Variants in CCNJL observed in about 807,000 individuals in gnomAD.
CCNJL encodes the protein cyclin J like, also known as cyclin-J-like protein.
Under a neutral mutation model 33.4 loss-of-function variants are expected in CCNJL, and 33 were observed. The observed-to-expected ratio is 0.99, with a 90% CI of 0.75 to 1.32. The LOEUF is 1.32. Among genes scored for constraint, CCNJL ranks in the 40% most tolerant of loss-of-function variants. CCNJL has a pLI of 0.00. For missense variants in CCNJL, 512 were observed against 499.7 expected (o/e 1.02, Z -0.23); for synonymous variants, 227 against 220.9 (o/e 1.03, Z -0.24).
intron 3 of CCNJL, among the ~76,000 whole-genome samples, chr5:160,266,724 G>T (rs905210649): frequency 6.6e-6 from 1 of 152,156 alleles, no homozygotes; most frequent in African/African-American, 2.4e-5. Flanking sequence ...TCCAGACCCG[G>T]GATCTTCTCA....
chr5:160,259,420 G>C, intron 4 of CCNJL, 49 bp downstream of exon 4: 1 of 1,544,998 alleles, frequency 6.5e-7, no homozygotes, highest in South Asian at 1.2e-5. Context: ...CCGACCCCTG[G>C]GTGGTGGGGA....
chr5:160,264,138 G>A (rs1761470728), intron 3 of CCNJL, among the ~76,000 whole-genome samples: 1 of 152,086 alleles, frequency 6.6e-6, no homozygotes, highest in Non-Finnish European at 1.5e-5. Context: ...TAGAGCCCAG[G>A]CTGGTCGAAA....
chr5:160,309,985 G>A (rs879443335), intron 2 of CCNJL, among the ~76,000 whole-genome samples: 12 of 152,180 alleles, frequency 7.9e-5, no homozygotes, highest in Admixed American at 4.6e-4. Flanking sequence ...TTGAGCAGCC[G>A]AAGGAACATT....
chr5:160,319,850 A>G (rs1239096124), intron 1 of CCNJL, among the ~76,000 whole-genome samples: 3 of 151,898 alleles, frequency 2.0e-5, no homozygotes, highest in Non-Finnish European at 4.4e-5. Context: ...AGGTGGGGAG[A>G]TCGTGGCTGC....
chr5:160,330,450 C>T (rs1469119419), intron 1 of CCNJL, among the ~76,000 whole-genome samples: 1 of 152,146 alleles, frequency 6.6e-6, no homozygotes, highest in Non-Finnish European at 1.5e-5. Flanking sequence ...CTGCCGCCTC[C>T]GCACCATGGG....
intron 3 of CCNJL, among the ~76,000 whole-genome samples, chr5:160,274,519 A>ATGAC (rs567913098): frequency 2.2e-4 from 34 of 152,186 alleles, no homozygotes; most frequent in African/African-American, 8.2e-4. Flanking sequence ...TCAGCACAGC[A>ATGAC]TGACTGACTC....
At chr5:160,305,647 T>C (rs1763072087) in intron 2 of CCNJL, among the ~76,000 whole-genome samples, 1 of 152,356 alleles carries the variant, frequency 6.6e-6, no homozygotes, top group African/African-American at 2.4e-5. Context: ...TCCCCTGCTT[T>C]GTATTTCCAC....
chr5:160,325,443 A>T (rs143667393), intron 1 of CCNJL, among the ~76,000 whole-genome samples: 77 of 152,176 alleles, frequency 5.1e-4, no homozygotes, highest in African/African-American at 1.7e-3. Flanking sequence ...TGCTAATACT[A>T]TTGCTTTTGC....
At chr5:160,301,737 C>CA in intron 2 of CCNJL, among the ~76,000 whole-genome samples, 1 of 122,050 alleles carries the variant, frequency 8.2e-6, no homozygotes, top group East Asian at 2.7e-4. Flanking sequence ...ACCCGGTCGT[C>CA]TTTTTTTTTT....
In CCNJL at chr5:160,277,687, G is replaced by A. The variant is rs115629288; in HGVS notation, c.280+2838C>T. On this transcript the variant is annotated intron_variant, in intron 3 of 5. Coordinates refer to ENST00000257536, the MANE Select transcript of CCNJL (RefSeq NM_001308173.3). ...GGTCCCTGGCTGAGCCCTGTTGGACGGGGCAGAAGGGGCTGTAGGTAGGTG... is the reference window on the plus strand; with the variant it reads ...GGTCCCTGGCTGAGCCCTGTTGGACAGGGCAGAAGGGGCTGTAGGTAGGTG... 6.4e-3 allele frequency among the ~76,000 whole-genome samples: 978 copies of A among 152,076 alleles called. 6 individuals carry two copies. Among genetic ancestry groups the A allele is most frequent in the African/African-American group, 0.022 (909 of 41,458 alleles).
intron 1 of CCNJL, among the ~76,000 whole-genome samples, chr5:160,325,355 G>A (rs893031005): frequency 1.1e-4 from 16 of 152,242 alleles, no homozygotes; most frequent in African/African-American, 3.9e-4. Flanking sequence ...GCAGTCATTG[G>A]TCTCCTTTCC....
upstream of CCNJL, chr5:160,312,812 G>A (rs940281703): frequency 1.3e-5 from 2 of 152,256 alleles, no homozygotes; most frequent in Non-Finnish European, 2.9e-5. Context: ...AGGGACCGCG[G>A]CGCCACCTGC....
chr5:160,269,905 A>C (rs1761763148), intron 3 of CCNJL, among the ~76,000 whole-genome samples: 1 of 152,190 alleles, frequency 6.6e-6, no homozygotes, highest in South Asian at 2.1e-4. Flanking sequence ...GTCCTAACTT[A>C]CTGGGCCTCG....
intron 3 of CCNJL, 107 bp downstream of exon 3, chr5:160,280,418 T>A: frequency 1.1e-6 from 1 of 884,382 alleles, no homozygotes; most frequent in Non-Finnish European, 1.8e-6. Flanking sequence ...GATGAACATA[T>A]AAGACGTGCA....
At chr5:160,257,872 G>A (rs776450658) in intron 4 of CCNJL, among the ~76,000 whole-genome samples, 29 of 149,868 alleles carry the variant, frequency 1.9e-4, no homozygotes, top group Non-Finnish European at 4.0e-4. Context: ...TTTAGATGGA[G>A]TCTTGTTCTT....
At chr5:160,287,244 A>C (rs1762436217) in intron 2 of CCNJL, among the ~76,000 whole-genome samples, 1 of 152,182 alleles carries the variant, frequency 6.6e-6, no homozygotes. Context: ...TCTTCCCTCA[A>C]GCTGGGGAAT....
intron 3 of CCNJL, among the ~76,000 whole-genome samples, chr5:160,261,628 C>T (rs1761338905): frequency 6.7e-6 from 1 of 149,688 alleles, no homozygotes; most frequent in Non-Finnish European, 1.5e-5. Flanking sequence ...CCCCCATACT[C>T]CCCCCAACAC....
upstream of CCNJL, chr5:160,315,502 G>A (rs750574201): frequency 1.1e-5 from 4 of 355,978 alleles, no homozygotes; most frequent in South Asian, 3.8e-5. Context: ...GCGAGACACT[G>A]CCTCTGAAAA....
At chr5:160,293,838 T>C (rs1762665394) in intron 2 of CCNJL, among the ~76,000 whole-genome samples, 1 of 152,100 alleles carries the variant, frequency 6.6e-6, no homozygotes, top group Admixed American at 6.5e-5. Context: ...TGACAATACT[T>C]GGAGGGCGAC....
Sources: allele counts gnomAD v4.1 joint callset (sites outside exome capture counted in the v4.1 genomes callset), GRCh38; gene constraint gnomAD v4.1.1; transcripts MANE v1.5; gene names NCBI Gene and HGNC (gene_info 2026-07-23, HGNC 2026-07-21).